The following CYP3A5 variants were observed in gnomAD, a reference collection of about 807,000 sequenced individuals.
CYP3A5 encodes the protein cytochrome P450 family 3 subfamily A member 5.
CYP3A5 carries 51 observed loss-of-function variants against 55.9 expected under a neutral mutation model. The ratio of observed to expected loss-of-function variants is 0.91; its 90% CI spans 0.73 to 1.15. CYP3A5 has a LOEUF of 1.15. Among genes scored for constraint, CYP3A5 ranks in the 50% most tolerant of loss-of-function variants. The pLI is 0.00. For missense variants in CYP3A5, 533 were observed against 596.6 expected (o/e 0.89, Z 1.11); for synonymous variants, 196 against 213.9 (o/e 0.92, Z 0.73).
chr7:99,678,259 G>C (rs1314841505), intron 1 of CYP3A5, among the ~76,000 whole-genome samples: 2 of 152,200 alleles, frequency 1.3e-5, no homozygotes, highest in African/African-American at 2.4e-5. Context: ...ATGCCAACCT[G>C]TTTGCCCTTT....
rs754609616 is a variant in CYP3A5 at position 99,660,610 on chromosome 7, A to T, written c.915T>A (p.Ala305=). The T allele has an allele frequency of 6.2e-7, 1 of 1,614,082 alleles. No individual in the cohort carries two copies. The highest frequency in any genetic ancestry group is 8.5e-7 in the Non-Finnish European group (1 of 1,179,980). ...GAACACTGCTGGTGGTTTCATAGCC[A>T]GCAAAAATGAAGATTATTGACTGGG... ...LAAQSIIFIF[A]GYETTSSVLS... is the part of the protein sequence containing the mutation. The change falls in exon 10 of 13, where the codon GCT becomes GCA. Residue 305 remains alanine (A), a synonymous_variant. Coordinates refer to ENST00000222982, the MANE Select transcript of CYP3A5 (RefSeq NM_000777.5).
At chr7:99,648,624 G>C (rs1425425560) in intron 12 of CYP3A5, among the ~76,000 whole-genome samples, 1 of 150,804 alleles carries the variant, frequency 6.6e-6, no homozygotes, top group Non-Finnish European at 1.5e-5. Context: ...ATGGAGCACT[G>C]ACTCTGTGCC....
intron 2 of CYP3A5, among the ~76,000 whole-genome samples, chr7:99,675,239 G>A (rs1289861493): frequency 6.6e-6 from 1 of 152,210 alleles, no homozygotes; most frequent in East Asian, 1.9e-4. Flanking sequence ...CGTGCTCTGA[G>A]CTTTCACTTC....
In CYP3A5 at chr7:99,653,450, C is replaced by CAAATAAAT. The variant is rs3063934; in HGVS notation, c.1027-679_1027-672dup. Among the ~76,000 whole-genome samples the CAAATAAAT allele has an allele frequency of 0.29, 42,237 of 145,172 alleles. 8,290 individuals are homozygous for CAAATAAAT. Among genetic ancestry groups the CAAATAAAT allele is most frequent in the African/African-American group, 0.55 (21,284 of 39,016 alleles). On this transcript the variant is annotated intron_variant, in intron 10 of 12. Coordinates refer to ENST00000222982, the MANE Select transcript of CYP3A5 (RefSeq NM_000777.5). The surrounding 1 kb of genome is among the most constrained non-coding windows in gnomAD (Gnocchi z 4.2). ...TGGGTCGTAGAGTCAGACCCTGTCT[C>CAAATAAAT]AAATAAATAAATAAATAAATAAATA...
intron 10 of CYP3A5, among the ~76,000 whole-genome samples, chr7:99,656,132 G>A (rs1290220060): frequency 6.6e-6 from 1 of 152,222 alleles, no homozygotes; most frequent in African/African-American, 2.4e-5. Flanking sequence ...TAGGAGTGGT[G>A]AGAGAGGGCA....
intron 8 of CYP3A5, chr7:99,663,684 A>G (rs1810667782): frequency 1.9e-6 from 2 of 1,040,000 alleles, no homozygotes; most frequent in Non-Finnish European, 2.3e-6. Flanking sequence ...ATCCTTTGAC[A>G]ATTTATTAAA....
At position 99,662,489 on chromosome 7, in the gene CYP3A5, T is replaced by C. The variant is rs1562993139; in HGVS notation, c.865+327A>G. Among the ~76,000 whole-genome samples, 1 of 152,220 alleles carries C rather than the reference T, an allele frequency of 6.6e-6. No individual in the cohort carries two copies. Among genetic ancestry groups the C allele is most frequent in the Non-Finnish European group, 1.5e-5 (1 of 68,048 alleles). ...TGTGCTTCCTGATCGGTATGTTTGA[T>C]ATAAATTTCCAAGTAGAGGTTCTCA... On this transcript the variant is annotated intron_variant, in intron 9 of 12. Coordinates refer to ENST00000222982, the MANE Select transcript of CYP3A5 (RefSeq NM_000777.5). This position sits in a 1 kb window ranked among gnomAD's most constrained non-coding sequence, Gnocchi z 4.3.
intron 8 of CYP3A5, 186 bp from the exon 9 acceptor site, chr7:99,663,068 G>A (rs1409393860): frequency 8.3e-6 from 11 of 1,329,942 alleles, no homozygotes; most frequent in Admixed American, 3.1e-5. Context: ...AAAGCAGGAT[G>A]TTTTCCTGAA....
At position 99,667,038 on chromosome 7, in the gene CYP3A5, T is replaced by G; in HGVS notation, c.346A>C (p.Ser116Arg). 6.8e-6 allele frequency: 11 copies of G among 1,614,154 alleles called. No individual in the cohort carries two copies. The highest frequency in any genetic ancestry group is 9.3e-6 in the Non-Finnish European group (11 of 1,179,990). The stretch of plus-strand genomic sequence containing the variant: ...TCATCCTCAGCTAAAGAGATGGCAC[T>G]TTTCATAAATCCCACTGGGCCTAAA... ...RSLGPVGFMKSAISLAEDEEW... is the reference protein window; with the variant it reads ...RSLGPVGFMKRAISLAEDEEW... The change falls in exon 5 of 13, where the codon AGT becomes CGT. Residue 116 changes from serine (S) to arginine (R), a missense_variant. By Grantham distance (110) the Ser-to-Arg change is moderately radical (BLOSUM62 -1). Coordinates refer to ENST00000222982, the MANE Select transcript of CYP3A5 (RefSeq NM_000777.5).
At chr7:99,649,490 G>A (rs1045170900) in intron 12 of CYP3A5, among the ~76,000 whole-genome samples, 11 of 152,196 alleles carry the variant, frequency 7.2e-5, no homozygotes, top group African/African-American at 2.4e-4. Context: ...CCTGCTCTAT[G>A]GTAGTCCTTC....
chr7:99,662,854 A>G lies in CYP3A5; in HGVS notation c.827T>C (p.Ile276Thr), dbSNP rs145774441. The change falls in exon 9 of 13, where the codon ATT becomes ACT. Residue 276 changes from isoleucine to threonine, a missense_variant. Coordinates refer to ENST00000222982, the MANE Select transcript of CYP3A5 (RefSeq NM_000777.5). This position sits in a 1 kb window ranked among gnomAD's most constrained non-coding sequence, Gnocchi z 4.3. ...KHRLDFLQLM[I>T]DSQNSKETES... The stretch of plus-strand genomic sequence containing the variant: ...AGTTTCTTTCGAATTCTGGGAGTCA[A>G]TCATCAGCTGAAGGAAATCTAGTCG... The G allele has an allele frequency of 2.1e-4, 343 of 1,613,988 alleles. 2 individuals are homozygous for G. The highest frequency in any genetic ancestry group is 2.1e-3 in the African/African-American group (157 of 75,034).
intron 8 of CYP3A5, chr7:99,663,180 G>A (rs748616498): frequency 2.6e-5 from 29 of 1,130,542 alleles, no homozygotes; most frequent in Non-Finnish European, 3.2e-5. Flanking sequence ...AGAGTTGCCG[G>A]TTCCATCTCT....
chr7:99,655,769 T>G (rs543172167), intron 10 of CYP3A5, among the ~76,000 whole-genome samples: 78 of 152,352 alleles, frequency 5.1e-4, no homozygotes, highest in African/African-American at 1.4e-3. Flanking sequence ...CAGTGGTTTG[T>G]AATTCTCCTT....
rs749438221 is a variant in CYP3A5 at position 99,674,575 on chromosome 7, T to G, written c.176A>C (p.Lys59Thr). 1 of 1,613,646 alleles carries G rather than the reference T, an allele frequency of 6.2e-7. No homozygotes were observed. The highest frequency in any genetic ancestry group is 1.7e-5 in the Admixed American group (1 of 60,010). The change falls in exon 3 of 13, where the codon AAA becomes ACA. Residue 59 changes from lysine (K) to threonine (T), a missense_variant. Lys to Thr is a moderately conservative substitution (Grantham distance 78). Transcript: ENST00000222982. Reference sequence around the variant, plus strand: ...CTTTTTATAGCACTCTGTGTCAAATTTCCAGAGACCCTGGGAGAGGAAACA... The same window carrying G: ...CTTTTTATAGCACTCTGTGTCAAATGTCCAGAGACCCTGGGAGAGGAAACA... ...NVLSYRQGLW[K>T]FDTECYKKYG...
In CYP3A5 at chr7:99,648,407, T is replaced by C. The variant is rs1273255499; in HGVS notation, c.1414-7A>G. On this transcript the variant is annotated splice_polypyrimidine_tract_variant and splice_region_variant and intron_variant, in intron 12 of 12. Transcript: ENST00000222982. ...TGTCTAATTTCAAGGGGATCTACAATAGTTAAACAAGCATATGGAGAATTA... is the reference window on the plus strand; with the variant it reads ...TGTCTAATTTCAAGGGGATCTACAACAGTTAAACAAGCATATGGAGAATTA... 8 of 1,601,868 alleles carry C rather than the reference T, an allele frequency of 5.0e-6. No individual in the cohort carries two copies. Among genetic ancestry groups the C allele is most frequent in the Non-Finnish European group, 6.8e-6 (8 of 1,171,626 alleles).
chr7:99,664,172 A>G (rs922428488), intron 7 of CYP3A5, 77 bp from the exon 8 acceptor site: 14 of 1,171,954 alleles, frequency 1.2e-5, no homozygotes, highest in Non-Finnish European at 1.7e-5. Flanking sequence ...AATTTTCTCT[A>G]CCAGTAATAA....
Position 99,653,257 on chromosome 7 carries a change from C to T in CYP3A5, c.1027-478G>A, listed in dbSNP as rs1018027775. Among the ~76,000 whole-genome samples the T allele has an allele frequency of 3.3e-5, 5 of 152,132 alleles. No homozygotes were observed. The highest frequency in any genetic ancestry group is 7.4e-5 in the Non-Finnish European group (5 of 68,024). On this transcript the variant is annotated intron_variant, in intron 10 of 12. Transcript: ENST00000222982. The surrounding 1 kb of genome is among the most constrained non-coding windows in gnomAD (Gnocchi z 4.2). The stretch of plus-strand genomic sequence containing the variant: ...ACTCTTTTGAGGAGTTTGAGACCAG[C>T]TTGGGAAACATGGTGAAAACCCATC...
At position 99,666,540 on chromosome 7, in the gene CYP3A5, A is replaced by G. The variant is rs1034563931; in HGVS notation, c.521+61T>C. On this transcript the variant is annotated intron_variant, in intron 6 of 12. Transcript: ENST00000222982. ...ACCCAACAGTGCGACTGTCGACTCC[A>G]TGGCAGGCAGCTGGAAGGGCTCATG... The G allele has an allele frequency of 4.5e-6, 7 of 1,558,240 alleles. No individual in the cohort carries two copies. The African/African-American group carries it at 5.4e-5, about 12-fold the overall frequency.
At chr7:99,651,131 A>G (rs779809521) in intron 11 of CYP3A5, among the ~76,000 whole-genome samples, 3 of 152,090 alleles carry the variant, frequency 2.0e-5, no homozygotes, top group Non-Finnish European at 4.4e-5. Flanking sequence ...TGGCATTTGG[A>G]TGGGGCAGCT....
Sources: allele counts gnomAD v4.1 joint callset (sites outside exome capture counted in the v4.1 genomes callset), GRCh38; gene constraint gnomAD v4.1.1; non-coding constraint Gnocchi (gnomAD v3.1); transcripts MANE v1.5; gene names NCBI Gene and HGNC (gene_info 2026-07-23, HGNC 2026-07-21).